The following RPH3A variants were observed in gnomAD, a reference collection of about 807,000 sequenced individuals.
RPH3A encodes the protein rabphilin-3A.
A neutral mutation model predicts 102.2 loss-of-function variants in RPH3A; 48 were observed. The ratio of observed to expected loss-of-function variants is 0.47; its 90% CI spans 0.37 to 0.60. The LOEUF is 0.60. Among genes scored for constraint, RPH3A ranks in the 20% least tolerant of loss-of-function variants. RPH3A has a pLI of 0.00. For missense variants in RPH3A, 781 were observed against 910.1 expected, an observed-to-expected ratio of 0.86 and a Z score of 1.83; for synonymous variants, 310 against 324.3, an observed-to-expected ratio of 0.96 and a Z score of 0.47.
chr12:112,775,667 G>A (rs1330872387), intron 1 of RPH3A, among the ~76,000 whole-genome samples: 1 of 152,164 alleles, frequency 6.6e-6, no homozygotes, highest in East Asian at 1.9e-4. Flanking sequence ...CATGGACAAG[G>A]CAGAGTAAAC....
chr12:112,804,128 G>A (rs1026285584), intron 2 of RPH3A, among the ~76,000 whole-genome samples: 3 of 152,174 alleles, frequency 2.0e-5, no homozygotes, highest in Non-Finnish European at 2.9e-5. Flanking sequence ...TACAGATGAA[G>A]GAACTGTGCC....
In RPH3A at chr12:112,678,295, A is replaced by AGAG. The variant is rs1566255284; in HGVS notation, c.-140+102976_-140+102977insGAG. Among the ~76,000 whole-genome samples, 123 of 34,840 alleles carry AGAG rather than the reference A, an allele frequency of 3.5e-3. 17 individuals are homozygous for AGAG. Among genetic ancestry groups the AGAG allele is most frequent in the South Asian group, 8.4e-3 (13 of 1,552 alleles). The allele number at this position is 34,840 out of a possible 152,430, so 22.9% of individuals were successfully genotyped here. A position where few individuals can be genotyped will look rare whatever the true frequency, so the allele number is the denominator to read the frequency against. On this transcript the variant is annotated intron_variant, in intron 1 of 21. Coordinates refer to the RPH3A transcript ENST00000543106. ...AAAGAAAGAAAGAAAGAAAGAAAGAAAGAAAGAAAGAGAGAGAGAGAGAAA... is the reference window on the plus strand; with the variant it reads ...AAAGAAAGAAAGAAAGAAAGAAAGAAGAGAGAAAGAAAGAGAGAGAGAGAGAAA...
chr12:112,749,775 A>AT (rs769700846), intron 1 of RPH3A, among the ~76,000 whole-genome samples: 11 of 152,216 alleles, frequency 7.2e-5, no homozygotes, highest in Non-Finnish European at 1.3e-4. Context: ...AGAAGAGCTT[A>AT]TTTTTTATCT....
At chr12:112,890,472 C>T (rs2043074458) in intron 18 of RPH3A, among the ~76,000 whole-genome samples, 1 of 152,110 alleles carries the variant, frequency 6.6e-6, no homozygotes, top group Non-Finnish European at 1.5e-5. Flanking sequence ...CAAGGACTGC[C>T]CTTTAAGAAT....
At chr12:112,814,435 T>A (rs758355188) in intron 2 of RPH3A, among the ~76,000 whole-genome samples, 9 of 152,150 alleles carry the variant, frequency 5.9e-5, no homozygotes, top group Non-Finnish European at 1.3e-4. Flanking sequence ...CTTGATTACC[T>A]CCAATGATGG....
chr12:112,833,198 C>T (rs1215399549), intron 3 of RPH3A, among the ~76,000 whole-genome samples: 1 of 152,128 alleles, frequency 6.6e-6, no homozygotes, highest in Non-Finnish European at 1.5e-5. Context: ...TTTTGATATT[C>T]TCTGTTATTT....
intron 2 of RPH3A, among the ~76,000 whole-genome samples, chr12:112,820,404 G>C (rs2041757021): frequency 6.6e-6 from 1 of 152,210 alleles, no homozygotes; most frequent in South Asian, 2.1e-4. Context: ...GCATAGTAGA[G>C]TGATTAAACA....
At chr12:112,835,750 T>C (rs970156262) in intron 3 of RPH3A, among the ~76,000 whole-genome samples, 3 of 152,196 alleles carry the variant, frequency 2.0e-5, no homozygotes, top group Non-Finnish European at 2.9e-5. Flanking sequence ...GCTTTTGTTA[T>C]TTTCAAATGT....
rs1220726910 is a variant in RPH3A at position 112,897,656 on chromosome 12, C to A, written c.*876C>A. ...AAGTGTATGTTAACCTAGCCTCACC[C>A]CCTTGCTCTCACCAGCCTGACCAGG... On this transcript the variant is annotated 3_prime_UTR_variant, in exon 22 of 22. Transcript: ENST00000389385. 2 of 152,468 alleles carry A rather than the reference C, an allele frequency of 1.3e-5. No individual in the cohort carries two copies. The highest frequency in any genetic ancestry group is 2.9e-5 in the Non-Finnish European group (2 of 68,212). The allele number at this position is 152,468 out of a possible 1,614,324, so 9.4% of individuals were successfully genotyped here.
intron 1 of RPH3A, among the ~76,000 whole-genome samples, chr12:112,691,610 T>C (rs1198433564): frequency 6.6e-6 from 1 of 152,254 alleles, no homozygotes; most frequent in East Asian, 1.9e-4. Context: ...CTAGCTCAAC[T>C]GGACACTATG....
rs934041873 is a variant in RPH3A at position 112,582,592 on chromosome 12, G to A, written c.-140+7273G>A. Among the ~76,000 whole-genome samples, 7 of 144,034 alleles carry A rather than the reference G, an allele frequency of 4.9e-5. 1 individual carries two copies. The South Asian group carries it at 8.2e-4, about 17-fold the overall frequency. 94.5% of individuals were successfully genotyped at this position (144,034 alleles called of 152,430 possible). ...CTCCCAAGTAGTTGGGACTACAGGC[G>A]TGTACCACCATGTCCAGCTAGCTTT... On this transcript the variant is annotated intron_variant, in intron 1 of 21. Coordinates refer to the RPH3A transcript ENST00000543106.
intron 5 of RPH3A, among the ~76,000 whole-genome samples, chr12:112,863,349 G>C (rs142957995): frequency 6.6e-6 from 1 of 152,124 alleles, no homozygotes; most frequent in African/African-American, 2.4e-5. Context: ...ACAGAGTCTC[G>C]TTCTGTCACC....
intron 1 of RPH3A, among the ~76,000 whole-genome samples, chr12:112,774,073 A>AAAAAAAAAAAAAG (rs1295662464): frequency 6.6e-6 from 1 of 151,230 alleles, no homozygotes; most frequent in African/African-American, 2.4e-5. Context: ...CAAAAAAAAA[A>AAAAAAAAAAAAAG]AAAAGAAAAA....
rs773931202 is a variant in RPH3A, at chr12:112,580,394, C to CTTTTTTTTTTTTTTTTT, written c.-140+5084_-140+5100dup. ...GACTTAGCAGACACTTTTGTCTTGT[C>CTTTTTTTTTTTTTTTTT]TTTTTTTTTTTTTTTTTTTTTTTTT... is the stretch of plus-strand genomic sequence containing the variant. On this transcript the variant is annotated intron_variant, in intron 1 of 21. Transcript: ENST00000543106. Among the ~76,000 whole-genome samples the CTTTTTTTTTTTTTTTTT allele has an allele frequency of 7.8e-5, 6 of 76,956 alleles. 2 individuals carry two copies. In the East Asian group the frequency reaches 2.2e-3, roughly 28 times the overall value. The allele number at this position is 76,956 out of a possible 152,430, so 50.5% of individuals were successfully genotyped here. A position where few individuals can be genotyped will look rare whatever the true frequency, so the allele number is the denominator to read the frequency against.
rs773931202 is a variant in RPH3A at position 112,580,394 on chromosome 12, C to CTTTTTTTTT, written c.-140+5092_-140+5100dup. 4.4e-4 allele frequency among the ~76,000 whole-genome samples: 34 copies of CTTTTTTTTT among 76,958 alleles called. 3 individuals are homozygous for CTTTTTTTTT. Among genetic ancestry groups the CTTTTTTTTT allele is most frequent in the East Asian group, 3.8e-3 (7 of 1,854 alleles). The allele number at this position is 76,958 out of a possible 152,430, so 50.5% of individuals were successfully genotyped here. Reference sequence around the variant, plus strand: ...GACTTAGCAGACACTTTTGTCTTGTCTTTTTTTTTTTTTTTTTTTTTTTTT... The same window carrying CTTTTTTTTT: ...GACTTAGCAGACACTTTTGTCTTGTCTTTTTTTTTTTTTTTTTTTTTTTTTTTTTTTTTT... On this transcript the variant is annotated intron_variant, in intron 1 of 21. Coordinates refer to the RPH3A transcript ENST00000543106.
At chr12:112,815,973 C>T (rs905835689) in intron 2 of RPH3A, among the ~76,000 whole-genome samples, 4 of 152,238 alleles carry the variant, frequency 2.6e-5, no homozygotes, top group South Asian at 2.1e-4. Context: ...TTCTGTTGAA[C>T]GATGTCTGGT....
chr12:112,870,530 A>G (rs983587890), intron 10 of RPH3A, among the ~76,000 whole-genome samples: 1 of 152,048 alleles, frequency 6.6e-6, no homozygotes, highest in African/African-American at 2.4e-5. Context: ...ATTTGGTAAG[A>G]GTGCCCATTG....
At chr12:112,610,500 C>T (rs2908822) in intron 1 of RPH3A, among the ~76,000 whole-genome samples, 1 of 127,872 alleles carries the variant, frequency 7.8e-6, no homozygotes. Flanking sequence ...GAGACTCTGT[C>T]TCAATTAAAA....
chr12:112,796,193 A>G (rs978075604), intron 2 of RPH3A, among the ~76,000 whole-genome samples: 1 of 152,206 alleles, frequency 6.6e-6, no homozygotes, highest in African/African-American at 2.4e-5. Flanking sequence ...CCAGAGAAGA[A>G]TTCTAGGAGG....
Sources: allele counts gnomAD v4.1 joint callset (sites outside exome capture counted in the v4.1 genomes callset), GRCh38; gene constraint gnomAD v4.1.1; transcripts MANE v1.5; gene names NCBI Gene and HGNC (gene_info 2026-07-23, HGNC 2026-07-21).